The following NTM variants were observed in gnomAD, a reference collection of about 807,000 sequenced individuals.
NTM encodes neurotrimin.
NTM carries 13 observed loss-of-function variants against 42.1 expected under a neutral mutation model. The observed-to-expected ratio is 0.31, with a 90% CI of 0.20 to 0.49. NTM has a LOEUF of 0.49. Among genes scored for constraint, NTM ranks in the 20% least tolerant of loss-of-function variants. The pLI is 0.99. For missense variants in NTM, 373 were observed against 452.8 expected (o/e 0.82, Z 1.60); for synonymous variants, 187 against 179.2 (o/e 1.04, Z -0.35).
intron 3 of NTM, among the ~76,000 whole-genome samples, chr11:132,182,915 T>C (rs1477947260): frequency 2.0e-5 from 3 of 152,198 alleles, no homozygotes; most frequent in Non-Finnish European, 2.9e-5. Flanking sequence ...CACATATGCT[T>C]TCTGCTTCCT....
chr11:131,702,627 T>A (rs1471092724), intron 1 of NTM, among the ~76,000 whole-genome samples: 1 of 152,220 alleles, frequency 6.6e-6, no homozygotes, highest in African/African-American at 2.4e-5. Flanking sequence ...ACCATCTCTC[T>A]AATAGGAAGA....
intron 1 of NTM, among the ~76,000 whole-genome samples, chr11:131,679,801 G>T (rs1428567051): frequency 6.6e-6 from 1 of 152,084 alleles, no homozygotes; most frequent in South Asian, 2.1e-4. Flanking sequence ...AGAGAGCTGG[G>T]TTCTGACGGC....
intron 1 of NTM, among the ~76,000 whole-genome samples, chr11:131,496,344 C>T (rs920471800): frequency 2.6e-4 from 40 of 152,348 alleles, no homozygotes; most frequent in Admixed American, 2.4e-3. Flanking sequence ...TGCATCTGTG[C>T]ACCTGTCCCT....
At chr11:131,446,567 C>T (rs531105176) in intron 1 of NTM, among the ~76,000 whole-genome samples, 179 of 152,316 alleles carry the variant, frequency 1.2e-3, no homozygotes, top group African/African-American at 3.9e-3. Context: ...CCCACCTAGG[C>T]GCACATTCGC....
intron 1 of NTM, among the ~76,000 whole-genome samples, chr11:131,653,679 C>T (rs1253574932): frequency 6.6e-6 from 1 of 152,180 alleles, no homozygotes; most frequent in Non-Finnish European, 1.5e-5. Flanking sequence ...GTGTAGGGCA[C>T]CCCTGCGTGT....
intron 3 of NTM, among the ~76,000 whole-genome samples, chr11:132,148,326 G>A (rs2071042223): frequency 6.6e-6 from 1 of 152,054 alleles, no homozygotes; most frequent in African/African-American, 2.4e-5. Flanking sequence ...ATTATGGATA[G>A]GGAGGCCAAA....
chr11:132,183,335 T>C (rs939542523), intron 3 of NTM, among the ~76,000 whole-genome samples: 2 of 152,134 alleles, frequency 1.3e-5, no homozygotes, highest in Non-Finnish European at 2.9e-5. Flanking sequence ...AGGCTCAGCA[T>C]TTGAGGGCCT....
chr11:131,613,642 G>A (rs2061646690), intron 1 of NTM, among the ~76,000 whole-genome samples: 1 of 152,082 alleles, frequency 6.6e-6, no homozygotes, highest in African/African-American at 2.4e-5. Flanking sequence ...CCTTGCTGAA[G>A]AGCCAGGCGC....
intron 6 of NTM, chr11:132,312,522 C>A: frequency 6.5e-6 from 1 of 154,540 alleles, no homozygotes. Context: ...GATGTGTGCC[C>A]GCACAGAGAA....
intron 2 of NTM, among the ~76,000 whole-genome samples, chr11:131,931,787 G>T (rs1002611503): frequency 5.9e-5 from 9 of 152,076 alleles, no homozygotes; most frequent in Non-Finnish European, 1.2e-4. Flanking sequence ...AAGGGACACT[G>T]GCGGTTTTGG....
intron 2 of NTM, among the ~76,000 whole-genome samples, chr11:131,953,487 A>G (rs906365600): frequency 6.6e-5 from 10 of 152,220 alleles, no homozygotes; most frequent in African/African-American, 2.2e-4. Flanking sequence ...AGCATGACAT[A>G]AAGTGAAATG....
chr11:131,387,145 T>C (rs1943417786), intron 1 of NTM, among the ~76,000 whole-genome samples: 3 of 152,186 alleles, frequency 2.0e-5, no homozygotes, highest in African/African-American at 7.2e-5. Context: ...TGGAAGATAG[T>C]TTTCACATTT....
chr11:131,693,373 T>G (rs1170044447), intron 1 of NTM, among the ~76,000 whole-genome samples: 1 of 152,218 alleles, frequency 6.6e-6, no homozygotes, highest in Admixed American at 6.5e-5. Context: ...CATGACAGCC[T>G]GACGGATAGC....
rs549278124 is a variant in NTM at position 131,426,593 on chromosome 11, C to T, written c.82+55705C>T. 2.3e-4 allele frequency among the ~76,000 whole-genome samples: 35 copies of T among 152,248 alleles called. No individual in the cohort carries two copies. The South Asian group carries it at 3.1e-3, about 14-fold the overall frequency. On this transcript the variant is annotated intron_variant, in intron 1 of 8. Coordinates refer to ENST00000683400, the MANE Select transcript of NTM (RefSeq NM_001352005.2). ...CAAGCAAACAAAAGAGCTGAGTTAT[C>T]GATTGCTGCATTTCGGCGGCTCTTA...
intron 3 of NTM, among the ~76,000 whole-genome samples, chr11:132,156,312 G>C (rs1044502920): frequency 6.6e-6 from 1 of 152,130 alleles, no homozygotes; most frequent in African/African-American, 2.4e-5. Flanking sequence ...TCTGGTCATA[G>C]GCCCTTTGAA....
intron 3 of NTM, among the ~76,000 whole-genome samples, chr11:132,197,491 T>A (rs934072998): frequency 2.0e-5 from 3 of 151,752 alleles, no homozygotes; most frequent in African/African-American, 4.8e-5. Flanking sequence ...GAAAGAGAGA[T>A]GTTTATTGAT....
chr11:131,865,427 C>A (rs545073566), intron 1 of NTM, among the ~76,000 whole-genome samples: 1 of 152,338 alleles, frequency 6.6e-6, no homozygotes, highest in South Asian at 2.1e-4. Context: ...TTGGTTACCA[C>A]CGGAGCTATT....
At chr11:132,135,678 G>A (rs2067763110) in intron 2 of NTM, among the ~76,000 whole-genome samples, 2 of 152,210 alleles carry the variant, frequency 1.3e-5, no homozygotes, top group South Asian at 4.1e-4. Context: ...TGGAGGTGGG[G>A]GTGCAAACAG....
chr11:131,618,084 G>A (rs2062135906), intron 1 of NTM, among the ~76,000 whole-genome samples: 1 of 152,208 alleles, frequency 6.6e-6, no homozygotes, highest in Non-Finnish European at 1.5e-5. Context: ...GCTTGAGGCT[G>A]CTCATTTGCA....
Sources: gnomAD v4.1 joint callset for allele counts (sites outside exome capture counted in the v4.1 genomes callset) on GRCh38, gnomAD v4.1.1 for gene constraint, MANE v1.5 for transcripts, NCBI Gene and HGNC (gene_info 2026-07-23, HGNC 2026-07-21) for gene names.